ZNF512B: variants seen among roughly 807,000 people sequenced by gnomAD.
The protein encoded by ZNF512B is zinc finger protein 512B.
A neutral mutation model predicts 87.8 loss-of-function variants in ZNF512B; 22 were observed. The ratio of observed to expected loss-of-function variants is 0.25; its 90% CI spans 0.18 to 0.36. The LOEUF (loss-of-function observed/expected upper bound fraction) is 0.36. Ranked by LOEUF, ZNF512B falls within the 10% of genes least tolerant of loss-of-function variation. ZNF512B has a pLI of 1.00. For synonymous variants in ZNF512B, 524 were observed against 490.9 expected (o/e 1.07, Z -0.89); for missense variants, 1,060 against 1,231.6 (o/e 0.86, Z 2.09).
At chr20:63,964,787 G>A (rs931484967) in intron 5 of ZNF512B, 71 bp from the exon 6 acceptor site, 111 of 1,577,128 alleles carry the variant, frequency 7.0e-5, no homozygotes, top group South Asian at 1.0e-4. Context: ...GGCCGTGGCC[G>A]AGGAGCACCC....
chr20:63,968,550 A>G (rs1359856122), intron 1 of ZNF512B, among the ~76,000 whole-genome samples: 2 of 152,186 alleles, frequency 1.3e-5, no homozygotes, highest in Non-Finnish European at 2.9e-5. Context: ...TTCTCTCCAG[A>G]CACAGATGGA....
In ZNF512B at chr20:63,963,388, A is replaced by C. The variant is rs1216866716; in HGVS notation, c.1751T>G (p.Leu584Arg). 6.5e-7 allele frequency: 1 copy of C among 1,549,788 alleles called. No homozygotes were observed. Among genetic ancestry groups the C allele is most frequent in the Admixed American group, 1.9e-5 (1 of 52,442 alleles). ...EGGEQEERER[L>R]RKVLKQMGRL... ...TCCCATCTGCTTCAGCACCTTGCGC[A>C]GCCTCTCGCGCTCCTCCTGCTCGCC... The change falls in exon 11 of 17, where the codon CTG becomes CGG. Residue 584 changes from leucine (L) to arginine (R), a missense_variant. Leu to Arg is a moderately radical substitution (Grantham distance 102). Transcript: ENST00000369888.
chr20:63,960,507 C>A lies in ZNF512B; in HGVS notation c.2428-368G>T, dbSNP rs1246897537. The stretch of plus-strand genomic sequence containing the variant: ...CCTTCAGGACCAGGCAGGCACCTGC[C>A]GCAGGGCTGGACACAGCCTTCAGGA... On this transcript the variant is annotated intron_variant, in intron 16 of 16. Coordinates refer to ENST00000369888, the MANE Select transcript of ZNF512B (RefSeq NM_020713.3). Among the ~76,000 whole-genome samples, 14 of 116,466 alleles carry A rather than the reference C, an allele frequency of 1.2e-4. No homozygotes were observed. The South Asian group carries it at 2.3e-3, about 19-fold the overall frequency. 76.4% of individuals were successfully genotyped at this position (116,466 alleles called of 152,430 possible).
At chr20:63,968,743 C>T (rs1426547868) in intron 1 of ZNF512B, among the ~76,000 whole-genome samples, 1 of 152,232 alleles carries the variant, frequency 6.6e-6, no homozygotes, top group Admixed American at 6.5e-5. Context: ...AGACCCACCA[C>T]TACCACTTCA....
chr20:63,961,355 C>T lies in ZNF512B; in HGVS notation c.2381G>A (p.Ser794Asn). 2 of 1,612,868 alleles carry T rather than the reference C, an allele frequency of 1.2e-6. No individual in the cohort carries two copies. The highest frequency in any genetic ancestry group is 1.7e-6 in the Non-Finnish European group (2 of 1,179,984). The change falls in exon 16 of 17, where the codon AGT (serine) becomes AAT (asparagine). Residue 794 changes from serine to asparagine, a missense_variant. Physicochemically the swap from Ser to Asn is conservative, Grantham distance 46 (BLOSUM62 1). Transcript: ENST00000369888. This position sits in a 1 kb window ranked among gnomAD's most constrained non-coding sequence, Gnocchi z 6.4. ...YRCLLCPKEFSSESGVKYHIL... is the reference protein window; with the variant it reads ...YRCLLCPKEFNSESGVKYHIL... ...GTGGTATTTGACGCCACTCTCAGAA[C>T]TGAACTCCTTCGGACACAGCAGACA...
rs1263274704 is a variant in ZNF512B at position 63,961,018 on chromosome 20, G to A, written c.2427+291C>T. Among the ~76,000 whole-genome samples, 3 of 150,618 alleles carry A rather than the reference G, an allele frequency of 2.0e-5. No individual in the cohort carries two copies. The highest frequency in any genetic ancestry group is 7.3e-5 in the African/African-American group (3 of 40,934). ...CGGGACCAGGCAAGCACCTGCAGCA[G>A]GGCTGGACACAGCCTTCGGGACCAG... On this transcript the variant is annotated intron_variant, in intron 16 of 16. Coordinates refer to ENST00000369888, the MANE Select transcript of ZNF512B (RefSeq NM_020713.3). The surrounding 1 kb of genome is among the most constrained non-coding windows in gnomAD (Gnocchi z 6.4).
chr20:63,967,392 G>A lies in ZNF512B; in HGVS notation c.253C>T (p.Arg85Ter). 6.2e-7 allele frequency: 1 copy of A among 1,609,086 alleles called. No individual in the cohort carries two copies. Among genetic ancestry groups the A allele is most frequent in the Non-Finnish European group, 8.5e-7 (1 of 1,176,914 alleles). Residue 85 changes from arginine to a stop codon, truncating the protein, a stop_gained, in exon 3 of 17, where the codon CGA (arginine) becomes TGA (stop). Transcript: ENST00000369888. LOFTEE classifies it high-confidence loss of function. ...CTGAGGGAGCTCACAGGAATGTCTC[G>A]GAGGGCCTGGTTCTCGGCTTTTGGC... Reference protein sequence around the residue: ...GRPKAENQALRDIPLSLMNDW... With the variant: ...GRPKAENQAL
rs1185102365 is a variant in ZNF512B, at chr20:63,969,835, C to CGGCCG, written c.-29_-25dup. 28 of 93,380 alleles carry CGGCCG rather than the reference C, an allele frequency of 3.0e-4. No homozygotes were observed. The highest frequency in any genetic ancestry group is 2.0e-3 in the East Asian group (6 of 3,018). The allele number at this position is 93,380 out of a possible 1,614,324, so 5.8% of individuals were successfully genotyped here. ...TTACCTGCGGCGCCCAGCGGGGCTG[C>CGGCCG]GGCCGGGCCGGGCCGGGCCGGGGCG... is the stretch of plus-strand genomic sequence containing the variant. On this transcript the variant is annotated 5_prime_UTR_variant, in exon 1 of 17. Coordinates refer to ENST00000369888, the MANE Select transcript of ZNF512B (RefSeq NM_020713.3).
intron 3 of ZNF512B, 132 bp from the exon 4 acceptor site, chr20:63,967,136 A>G: frequency 1.4e-6 from 2 of 1,420,122 alleles, no homozygotes; most frequent in Non-Finnish European, 1.9e-6. Flanking sequence ...TCGGGACTGC[A>G]GTGGGAATTC....
chr20:63,962,435 A>C (rs2058863422), intron 13 of ZNF512B, 61 bp from the exon 14 acceptor site: 4 of 1,567,026 alleles, frequency 2.6e-6, no homozygotes, highest in Non-Finnish European at 3.5e-6. Flanking sequence ...CTGCTCTAAG[A>C]ACACTCGCCT....
chr20:63,968,004 C>T (rs56015416), intron 1 of ZNF512B, 52 bp from the exon 2 acceptor site: 294,733 of 1,568,258 alleles, frequency 0.19, 29,889 homozygotes, highest in Middle Eastern at 0.27. Flanking sequence ...ACTTGGAACA[C>T]GTGGTGAGGC....
In ZNF512B at chr20:63,964,905, A is replaced by T. The variant is rs1224649288; in HGVS notation, c.1035-189T>A. Among the ~76,000 whole-genome samples the T allele has an allele frequency of 6.9e-5, 3 of 43,584 alleles. 1 individual carries two copies. The highest frequency in any genetic ancestry group is 1.5e-4 in the Non-Finnish European group (3 of 20,492). 28.6% of individuals were successfully genotyped at this position (43,584 alleles called of 152,430 possible). A position where few individuals can be genotyped will look rare whatever the true frequency, so the allele number is the denominator to read the frequency against. On this transcript the variant is annotated intron_variant, in intron 5 of 16. Coordinates refer to ENST00000369888, the MANE Select transcript of ZNF512B (RefSeq NM_020713.3). The stretch of plus-strand genomic sequence containing the variant: ...TCCCTGACCTGGGACGAGCCCCCAT[A>T]CCTTTTCTCACCACTGTTCCCTGAC...
chr20:63,969,311 G>T, intron 1 of ZNF512B: 1 of 429,428 alleles, frequency 2.3e-6, no homozygotes, highest in Non-Finnish European at 3.1e-6. Flanking sequence ...CGCGACTGGC[G>T]CCCCGGATGA....
intron 12 of ZNF512B, 91 bp downstream of exon 12, chr20:63,963,004 A>C: frequency 7.0e-7 from 1 of 1,426,966 alleles, no homozygotes; most frequent in South Asian, 1.4e-5. Context: ...GTTGGGCGGT[A>C]CATGGACAAA....
At chr20:63,967,303 G>A (rs546576782) in intron 3 of ZNF512B, 78 bp downstream of exon 3, 17 of 1,513,560 alleles carry the variant, frequency 1.1e-5, no homozygotes, top group East Asian at 9.1e-5. Flanking sequence ...CAGATGTGCA[G>A]AGGACAAATC....
chr20:63,968,418 G>C lies in ZNF512B; in HGVS notation c.-2-466C>G, dbSNP rs559079226. The stretch of plus-strand genomic sequence containing the variant: ...GGGGCCAATTATGTCTCTGATGATG[G>C]CTGCTGGCTCACAAGCTGCCCAGGC... On this transcript the variant is annotated intron_variant, in intron 1 of 16. Transcript: ENST00000369888. Among the ~76,000 whole-genome samples the C allele has an allele frequency of 3.3e-5, 5 of 152,314 alleles. No homozygotes were observed. In the South Asian group the frequency reaches 1.0e-3, roughly 32 times the overall value.
rs554165338 is a variant in ZNF512B at position 63,957,688 on chromosome 20, C to T, written c.*2200G>A. The T allele has an allele frequency of 6.5e-6, 1 of 152,748 alleles. No homozygotes were observed. Among genetic ancestry groups the T allele is most frequent in the African/African-American group, 2.4e-5 (1 of 41,444 alleles). 9.5% of individuals were successfully genotyped at this position (152,748 alleles called of 1,614,324 possible). A position where few individuals can be genotyped will look rare whatever the true frequency, so the allele number is the denominator to read the frequency against. On this transcript the variant is annotated 3_prime_UTR_variant, in exon 17 of 17. Coordinates refer to ENST00000369888, the MANE Select transcript of ZNF512B (RefSeq NM_020713.3). ...TCACCCCCAGCAAAAACCAGACCCT[C>T]TTCTCTTCTCCCCAAGGGCCAAGTA...
chr20:63,967,571 A>G (rs751648399), intron 2 of ZNF512B, 48 bp from the exon 3 acceptor site: 10 of 1,538,708 alleles, frequency 6.5e-6, no homozygotes, highest in South Asian at 3.7e-5. Flanking sequence ...AGCACCGCCT[A>G]CCACCGGCGG....
Position 63,963,500 on chromosome 20 carries a change from C to A in ZNF512B, c.1699-60G>T, listed in dbSNP as rs1162747485. 2.1e-5 allele frequency: 32 copies of A among 1,552,404 alleles called. 1 individual carries two copies. In the East Asian group the frequency reaches 7.3e-4, roughly 36 times the overall value. ...ATCGCCACGGAGCCCTGCCCTGGCC[C>A]CGCCCCGCCCAGGTGTTGGGCCACC... On this transcript the variant is annotated intron_variant, in intron 10 of 16. Coordinates refer to ENST00000369888, the MANE Select transcript of ZNF512B (RefSeq NM_020713.3).
Sources: gnomAD v4.1 joint callset for allele counts (sites outside exome capture counted in the v4.1 genomes callset) on GRCh38, gnomAD v4.1.1 for gene constraint, Gnocchi (gnomAD v3.1) non-coding constraint, MANE v1.5 for transcripts, NCBI Gene and HGNC (gene_info 2026-07-23, HGNC 2026-07-21) for gene names.